The following DNER variants were observed in gnomAD, a reference collection of about 807,000 sequenced individuals.
DNER encodes delta/notch like EGF repeat containing.
Under a neutral mutation model 78.2 loss-of-function variants are expected in DNER, and 33 were observed. The ratio of observed to expected loss-of-function variants is 0.42; its 90% CI spans 0.32 to 0.56. The LOEUF (loss-of-function observed/expected upper bound fraction) is 0.56. Among genes scored for constraint, DNER ranks in the 20% least tolerant of loss-of-function variants. The probability of loss-of-function intolerance (pLI) is 0.11; values close to 1 mark genes in which losing one functional copy is unlikely to be tolerated. For missense variants in DNER, 918 were observed against 975.3 expected (o/e 0.94, Z 0.78); for synonymous variants, 417 against 384.8 (o/e 1.08, Z -0.98).
intron 7 of DNER, among the ~76,000 whole-genome samples, chr2:229,475,905 G>A (rs1020731906): frequency 6.6e-6 from 1 of 152,142 alleles, no homozygotes; most frequent in Non-Finnish European, 1.5e-5. Flanking sequence ...GTTAGGTGGC[G>A]ACTGACTAAC....
chr2:229,690,521 G>A (rs960277103), intron 1 of DNER, among the ~76,000 whole-genome samples: 21 of 152,274 alleles, frequency 1.4e-4, no homozygotes, highest in African/African-American at 1.7e-4. Context: ...TTGATAAAAC[G>A]TTATTGTTGA....
intron 10 of DNER, among the ~76,000 whole-genome samples, chr2:229,401,593 A>G (rs1013883424): frequency 2.0e-5 from 3 of 152,154 alleles, no homozygotes; most frequent in African/African-American, 7.2e-5. Context: ...TACACACTAT[A>G]TGATTCCATT....
chr2:229,418,235 G>A lies in DNER; in HGVS notation c.1487-5C>T, dbSNP rs775174943. The A allele has an allele frequency of 2.5e-6, 4 of 1,613,698 alleles. No individual in the cohort carries two copies. In the South Asian group the frequency reaches 3.3e-5, roughly 13 times the overall value. On this transcript the variant is annotated splice_region_variant and splice_polypyrimidine_tract_variant and intron_variant, in intron 8 of 12. Transcript: ENST00000341772. ...CACAGTAGAGGCCATGGTAACCTGAGGGACAGAGAGAAAGGCCCACTGTCA... is the reference window on the plus strand; with the variant it reads ...CACAGTAGAGGCCATGGTAACCTGAAGGACAGAGAGAAAGGCCCACTGTCA...
intron 8 of DNER, among the ~76,000 whole-genome samples, chr2:229,428,754 G>T (rs1274906780): frequency 6.6e-6 from 1 of 152,044 alleles, no homozygotes; most frequent in Non-Finnish European, 1.5e-5. Context: ...TTGCTGAGGG[G>T]TTCAATTGTG....
rs1699276423 is a variant in DNER at position 229,674,880 on chromosome 2, G to A, written c.276+39268C>T. 1.3e-5 allele frequency among the ~76,000 whole-genome samples: 2 copies of A among 152,198 alleles called. 1 individual carries two copies. Among genetic ancestry groups the A allele is most frequent in the South Asian group, 4.1e-4 (2 of 4,828 alleles). ...CGTAAGGTCATACAGATTGCAAATG[G>A]TGACTTCTGTCTTCACTCATCACCT... On this transcript the variant is annotated intron_variant, in intron 1 of 12. Transcript: ENST00000341772.
chr2:229,378,809 A>C (rs951492469), intron 11 of DNER, among the ~76,000 whole-genome samples: 2 of 152,104 alleles, frequency 1.3e-5, no homozygotes, highest in African/African-American at 4.8e-5. Flanking sequence ...CCTGCCCACC[A>C]AATGTACGAA....
At chr2:229,401,075 T>C (rs1177351642) in intron 10 of DNER, among the ~76,000 whole-genome samples, 1 of 152,076 alleles carries the variant, frequency 6.6e-6, no homozygotes, top group Non-Finnish European at 1.5e-5. Context: ...CAGGAAAAGA[T>C]GCTAAACATC....
chr2:229,446,125 T>G (rs1166850905), intron 8 of DNER, among the ~76,000 whole-genome samples: 1 of 152,172 alleles, frequency 6.6e-6, no homozygotes, highest in Non-Finnish European at 1.5e-5. Context: ...CACAGGCACA[T>G]GACTGAACCT....
At chr2:229,429,168 G>C (rs1293467889) in intron 8 of DNER, among the ~76,000 whole-genome samples, 1 of 152,164 alleles carries the variant, frequency 6.6e-6, no homozygotes, top group Non-Finnish European at 1.5e-5. Flanking sequence ...GAGACAATGG[G>C]ACACAGCAGG....
chr2:229,367,126 G>A lies in DNER; in HGVS notation c.1856-7C>T, dbSNP rs1043859821. 1.2e-6 allele frequency: 2 copies of A among 1,613,658 alleles called. No homozygotes were observed. The highest frequency in any genetic ancestry group is 1.3e-5 in the African/African-American group (1 of 74,898). On this transcript the variant is annotated splice_polypyrimidine_tract_variant and splice_region_variant and intron_variant, in intron 11 of 12. Coordinates refer to ENST00000341772, the MANE Select transcript of DNER (RefSeq NM_139072.4). Reference sequence around the variant, plus strand: ...CCGGACTTCCATTGGAGGTCTGCAGGCAAAAATAAGCAAATGGCTGGGTAT... The same window carrying A: ...CCGGACTTCCATTGGAGGTCTGCAGACAAAAATAAGCAAATGGCTGGGTAT...
intron 4 of DNER, among the ~76,000 whole-genome samples, chr2:229,554,857 AAAGAGAAGAGAAGAGAAGAGAAGAG>A (rs869140188): frequency 0.021 from 1,054 of 51,206 alleles, 61 homozygotes; most frequent in South Asian, 0.031. Context: ...CCTGAAAGGA[AAAGAGAAGAGAAGAGAAGAGAAGAG>A]AAGAGAAGAG....
chr2:229,420,805 T>A (rs1177296762), intron 8 of DNER, among the ~76,000 whole-genome samples: 1 of 152,204 alleles, frequency 6.6e-6, no homozygotes, highest in African/African-American at 2.4e-5. Context: ...TTGGAACCTT[T>A]GTGCACTGTT....
chr2:229,431,967 A>G, intron 8 of DNER, among the ~76,000 whole-genome samples: 1 of 152,192 alleles, frequency 6.6e-6, no homozygotes, highest in Non-Finnish European at 1.5e-5. Context: ...CTCTATAAAC[A>G]TATGGTGTCT....
intron 4 of DNER, among the ~76,000 whole-genome samples, chr2:229,579,879 G>A (rs1356445076): frequency 6.6e-6 from 1 of 151,756 alleles, no homozygotes; most frequent in East Asian, 1.9e-4. Flanking sequence ...TTGGTAAGAA[G>A]ACTTTATGGT....
At chr2:229,510,026 G>T (rs1419215540) in intron 6 of DNER, among the ~76,000 whole-genome samples, 2 of 152,102 alleles carry the variant, frequency 1.3e-5, no homozygotes, top group Non-Finnish European at 2.9e-5. Flanking sequence ...ACAGAGATCT[G>T]GGAGTAGTTA....
chr2:229,428,457 C>T (rs1693930935), intron 8 of DNER, among the ~76,000 whole-genome samples: 1 of 152,038 alleles, frequency 6.6e-6, no homozygotes, highest in South Asian at 2.1e-4. Flanking sequence ...AGAGATACTG[C>T]AATTTCTTTC....
chr2:229,523,098 G>A (rs532085081), intron 5 of DNER, among the ~76,000 whole-genome samples: 1 of 152,286 alleles, frequency 6.6e-6, no homozygotes, highest in African/African-American at 2.4e-5. Context: ...AGGGGAGCAT[G>A]ATGCACTGAG....
At chr2:229,658,636 T>C (rs1023687482) in intron 1 of DNER, among the ~76,000 whole-genome samples, 2 of 152,198 alleles carry the variant, frequency 1.3e-5, no homozygotes, top group African/African-American at 4.8e-5. Flanking sequence ...TTGTTTTTAT[T>C]TTCCAACTGC....
intron 1 of DNER, among the ~76,000 whole-genome samples, chr2:229,616,245 T>G (rs1349315154): frequency 6.6e-6 from 1 of 152,218 alleles, no homozygotes; most frequent in East Asian, 1.9e-4. Flanking sequence ...ATGGGCCGTG[T>G]GATGTGGAAT....
Sources: gnomAD v4.1 joint callset for allele counts (sites outside exome capture counted in the v4.1 genomes callset) on GRCh38, gnomAD v4.1.1 for gene constraint, MANE v1.5 for transcripts, NCBI Gene and HGNC (gene_info 2026-07-23, HGNC 2026-07-21) for gene names.